MTG1: variants seen among roughly 807,000 people sequenced by gnomAD.
MTG1 encodes the protein mitochondrial ribosome-associated GTPase 1.
MTG1 carries 30 observed loss-of-function variants against 39.5 expected under a neutral mutation model. The ratio of observed to expected loss-of-function variants is 0.76; its 90% CI spans 0.57 to 1.03. The LOEUF is 1.03. Among genes scored for constraint, MTG1 ranks in the 50% least tolerant of loss-of-function variants. The probability of loss-of-function intolerance (pLI) is 0.00; values close to 1 mark genes in which losing one functional copy is unlikely to be tolerated. For synonymous variants in MTG1, 217 were observed against 179.0 expected (o/e 1.21, Z -1.69); for missense variants, 513 against 447.4 (o/e 1.15, Z -1.32).
chr10:133,416,000 G>A (rs1850123852), intron 9 of MTG1, among the ~76,000 whole-genome samples: 1 of 137,346 alleles, frequency 7.3e-6, no homozygotes, highest in Non-Finnish European at 1.5e-5. Flanking sequence ...CGGGTGTCGG[G>A]CAGGCGGGTG....
chr10:133,413,406 G>A (rs1216371225), intron 9 of MTG1, among the ~76,000 whole-genome samples: 6 of 151,816 alleles, frequency 4.0e-5, no homozygotes, highest in South Asian at 2.1e-4. Flanking sequence ...GAGCCACTGC[G>A]CCTGGCTAAT....
At position 133,399,385 on chromosome 10, in the gene MTG1, C is replaced by T. The variant is rs1564818871; in HGVS notation, c.421-144C>T. On this transcript the variant is annotated intron_variant, in intron 5 of 10. Transcript: ENST00000317502. ...CAGTGGAAAGGGCCGAGGCCGTCCC[C>T]GCTGGGTGGGCAGAGCCTCGGCGTT... 4.4e-5 allele frequency: 52 copies of T among 1,188,092 alleles called. 1 individual carries two copies. Among genetic ancestry groups the T allele is most frequent in the Middle Eastern group, 4.9e-4 (2 of 4,116 alleles). 73.6% of individuals were successfully genotyped at this position (1,188,092 alleles called of 1,614,324 possible).
intron 9 of MTG1, among the ~76,000 whole-genome samples, chr10:133,415,207 C>A (rs555071816): frequency 1.3e-5 from 2 of 150,940 alleles, no homozygotes; most frequent in East Asian, 3.9e-4. Context: ...GGAGCGGGAG[C>A]GGGAGAGGGA....
Position 133,396,173 on chromosome 10 carries a change from C to T in MTG1, c.188C>T (p.Ser63Leu). 1.9e-6 allele frequency: 3 copies of T among 1,613,954 alleles called. No individual in the cohort carries two copies. Among genetic ancestry groups the T allele is most frequent in the Non-Finnish European group, 2.5e-6 (3 of 1,179,830 alleles). The change falls in exon 3 of 11, where the codon TCA becomes TTA. Residue 63 changes from serine to leucine, a missense_variant. Physicochemically the swap from Ser to Leu is moderately radical, Grantham distance 145 (BLOSUM62 -2). Coordinates refer to ENST00000317502, the MANE Select transcript of MTG1 (RefSeq NM_138384.4). ...IEVHDARIPL[S>L]GRNPLFQETL... ...CCTTAATTTTGCCACATCCCACTTT[C>T]AGGCCGCAACCCTCTGTTTCAGGAA...
At chr10:133,415,831 A>AGGTATCAGGCACGCG (rs1564823275) in intron 9 of MTG1, among the ~76,000 whole-genome samples, 3 of 152,064 alleles carry the variant, frequency 2.0e-5, no homozygotes, top group African/African-American at 7.2e-5. Context: ...TCAGGCATGC[A>AGGTATCAGGCACGCG]GGTATCAGGC....
intron 4 of MTG1, among the ~76,000 whole-genome samples, chr10:133,398,893 T>A (rs1336786890): frequency 6.6e-6 from 1 of 152,054 alleles, no homozygotes; most frequent in African/African-American, 2.4e-5. Context: ...GCATAGGTGG[T>A]CCCCGGCCCC....
rs1221168356 is a variant in MTG1, at chr10:133,402,717, G to C, written c.696G>C (p.Gly232=). 1 of 1,608,200 alleles carries C rather than the reference G, an allele frequency of 6.2e-7. No homozygotes were observed. The highest frequency in any genetic ancestry group is 1.1e-5 in the South Asian group (1 of 89,360). The change falls in exon 9 of 11, where the codon GGG becomes GGC. Residue 232 remains glycine (G), a synonymous_variant. Coordinates refer to ENST00000317502, the MANE Select transcript of MTG1 (RefSeq NM_138384.4). The surrounding 1 kb of genome is among the most constrained non-coding windows in gnomAD (Gnocchi z 4.7). ...GAACGGTGCTGGACCACCTGGTCGG[G>C]GAGGAGACCATGGCTGACTACCTGC... ...LCGTVLDHLV[G]EETMADYLLY...
intron 9 of MTG1, among the ~76,000 whole-genome samples, chr10:133,417,380 A>G (rs1411870655): frequency 4.0e-5 from 6 of 150,718 alleles, no homozygotes. Context: ...ACGTATCTCA[A>G]AATAATAAGA....
chr10:133,404,332 G>T (rs1011956434), intron 9 of MTG1, among the ~76,000 whole-genome samples: 7 of 151,678 alleles, frequency 4.6e-5, no homozygotes, highest in Non-Finnish European at 1.0e-4. Flanking sequence ...TCCCCATGTT[G>T]CCCAGGCTGG....
chr10:133,399,770 T>A, intron 6 of MTG1, 151 bp downstream of exon 6: 2 of 667,660 alleles, frequency 3.0e-6, no homozygotes, highest in Non-Finnish European at 5.1e-6. Context: ...CTTGTCTCGT[T>A]CAGTCCAGTT....
At chr10:133,398,062 CTT>C (rs1327364609) in intron 3 of MTG1, among the ~76,000 whole-genome samples, 1 of 152,130 alleles carries the variant, frequency 6.6e-6, no homozygotes, top group Non-Finnish European at 1.5e-5. Flanking sequence ...AGGTGTGTGT[CTT>C]ATGTTTGATC....
intron 9 of MTG1, among the ~76,000 whole-genome samples, chr10:133,414,651 C>G (rs1205948024): frequency 1.3e-5 from 2 of 151,694 alleles, no homozygotes; most frequent in Non-Finnish European, 2.9e-5. Context: ...GACTGGGCAG[C>G]CAGGCAGAGG....
intron 2 of MTG1, 98 bp downstream of exon 2, chr10:133,395,875 C>T (rs576114373): frequency 1.7e-6 from 2 of 1,210,610 alleles, no homozygotes; most frequent in East Asian, 5.0e-5. Flanking sequence ...TTGCGAGGCC[C>T]CTTTCTAGAC....
chr10:133,419,957 C>T, intron 10 of MTG1, 69 bp from the exon 11 acceptor site: 18 of 1,522,814 alleles, frequency 1.2e-5, no homozygotes, highest in Non-Finnish European at 1.6e-5. Flanking sequence ...GCTGGTCCCT[C>T]AGGTGGGTAA....
chr10:133,404,015 G>C (rs56118543), intron 9 of MTG1, among the ~76,000 whole-genome samples: 3,622 of 150,598 alleles, frequency 0.024, 53 homozygotes, highest in Non-Finnish European at 0.037. Context: ...CAGGGACGTT[G>C]AGCATCTTCA....
rs1012628649 is a variant in MTG1, at chr10:133,420,850, C to G, written c.*685C>G. The G allele has an allele frequency of 6.6e-6, 1 of 152,398 alleles. No individual in the cohort carries two copies. The highest frequency in any genetic ancestry group is 2.4e-5 in the African/African-American group (1 of 41,478). The allele number at this position is 152,398 out of a possible 1,614,324, so 9.4% of individuals were successfully genotyped here. On this transcript the variant is annotated 3_prime_UTR_variant, in exon 11 of 11. Coordinates refer to ENST00000317502, the MANE Select transcript of MTG1 (RefSeq NM_138384.4). ...TGACTGGAAGGCCGCCCGGCATGGG[C>G]AGTAGAGACCCCTGGCCTCTGAGCA...
chr10:133,415,707 C>T (rs1850114410), intron 9 of MTG1, among the ~76,000 whole-genome samples: 1 of 152,204 alleles, frequency 6.6e-6, no homozygotes, highest in South Asian at 2.1e-4. Flanking sequence ...GTTCCTTGTG[C>T]TTGTAGTTCA....
At chr10:133,419,909 C>A in intron 10 of MTG1, 117 bp from the exon 11 acceptor site, 1 of 1,249,608 alleles carries the variant, frequency 8.0e-7, no homozygotes, top group Non-Finnish European at 1.1e-6. Flanking sequence ...TGATCCCGTT[C>A]CCTGGGCTTC....
Position 133,420,146 on chromosome 10 carries a change from C to G in MTG1, c.986C>G (p.Pro329Arg), listed in dbSNP as rs201924847. Residue 329 changes from proline to arginine, a missense_variant, in exon 11 of 11, where the codon CCG (proline) becomes CGG (arginine). Transcript: ENST00000317502. Reference protein sequence around the residue: ...LDLDVLRGHPPAETLP With the variant: ...LDLDVLRGHPRAETLP ...CTCGACGTCCTGCGGGGCCACCCCCCGGCTGAGACTTTGCCCTGAACTTGT... is the reference window on the plus strand; with the variant it reads ...CTCGACGTCCTGCGGGGCCACCCCCGGGCTGAGACTTTGCCCTGAACTTGT... The G allele has an allele frequency of 4.1e-5, 66 of 1,611,636 alleles. No homozygotes were observed. In the Admixed American group the frequency reaches 1.1e-3, roughly 26 times the overall value.
Sources: gnomAD v4.1 joint callset for allele counts (sites outside exome capture counted in the v4.1 genomes callset) on GRCh38, gnomAD v4.1.1 for gene constraint, Gnocchi (gnomAD v3.1) non-coding constraint, MANE v1.5 for transcripts, NCBI Gene and HGNC (gene_info 2026-07-23, HGNC 2026-07-21) for gene names.